CNTNAP2: variants seen among roughly 807,000 people sequenced by gnomAD.
CNTNAP2 encodes contactin associated protein 2.
In CNTNAP2, 98 loss-of-function variants were observed where a neutral mutation model predicts 155.2. The observed-to-expected ratio is 0.63, with a 90% CI of 0.54 to 0.75. The LOEUF is 0.75. Among genes scored for constraint, CNTNAP2 ranks in the 30% least tolerant of loss-of-function variants. The pLI is 0.00. For missense variants in CNTNAP2, 1,727 were observed against 1,688.1 expected, an observed-to-expected ratio of 1.02 and a Z score of -0.40; for synonymous variants, 651 against 631.2, an observed-to-expected ratio of 1.03 and a Z score of -0.47.
At chr7:148,356,169 AC>A (rs1186893228) in intron 21 of CNTNAP2, among the ~76,000 whole-genome samples, 1 of 151,838 alleles carries the variant, frequency 6.6e-6, no homozygotes, top group African/African-American at 2.4e-5. Context: ...AGAAATCATC[AC>A]ATAGTTATTA....
intron 20 of CNTNAP2, among the ~76,000 whole-genome samples, chr7:148,235,652 G>A (rs899098779): frequency 9.9e-5 from 15 of 151,230 alleles, no homozygotes; most frequent in South Asian, 4.2e-4. Flanking sequence ...ATTATGTGCC[G>A]GATAATGTGC....
At position 148,419,211 on chromosome 7, in the gene CNTNAP2, C is replaced by G. The variant is rs915870040; in HGVS notation, c.*3595C>G. 1 of 152,110 alleles carries G rather than the reference C, an allele frequency of 6.6e-6. No individual in the cohort carries two copies. The highest frequency in any genetic ancestry group is 2.4e-5 in the African/African-American group (1 of 41,404). 9.4% of individuals were successfully genotyped at this position (152,110 alleles called of 1,614,324 possible). On this transcript the variant is annotated 3_prime_UTR_variant, in exon 24 of 24. Coordinates refer to ENST00000361727, the MANE Select transcript of CNTNAP2 (RefSeq NM_014141.6). ...CCAAACAACACTGAATTTGAAACCCCCCATTTTTTCTTTTCACCACCCTGT... is the reference window on the plus strand; with the variant it reads ...CCAAACAACACTGAATTTGAAACCCGCCATTTTTTCTTTTCACCACCCTGT...
chr7:146,504,293 G>T (rs1197136874), intron 1 of CNTNAP2, among the ~76,000 whole-genome samples: 1 of 152,156 alleles, frequency 6.6e-6, no homozygotes, highest in Non-Finnish European at 1.5e-5. Context: ...TGATTATTAG[G>T]GTCCAGCATA....
chr7:148,181,368 G>A (rs1464278595), intron 18 of CNTNAP2, among the ~76,000 whole-genome samples: 1 of 151,982 alleles, frequency 6.6e-6, no homozygotes, highest in East Asian at 1.9e-4. Flanking sequence ...AGAGAAGGAA[G>A]AGCCAAAAAG....
At chr7:146,885,671 G>A (rs1289235058) in intron 3 of CNTNAP2, among the ~76,000 whole-genome samples, 1 of 151,940 alleles carries the variant, frequency 6.6e-6, no homozygotes, top group African/African-American at 2.4e-5. Context: ...TTTTTGCAAG[G>A]AAAGCAATTA....
chr7:146,383,538 A>G (rs774132410), intron 1 of CNTNAP2, among the ~76,000 whole-genome samples: 4 of 152,142 alleles, frequency 2.6e-5, no homozygotes, highest in Non-Finnish European at 4.4e-5. Context: ...CATACATTCT[A>G]AATTGTAGGA....
chr7:147,344,921 T>C (rs1259910555), intron 9 of CNTNAP2, among the ~76,000 whole-genome samples: 1 of 152,184 alleles, frequency 6.6e-6, no homozygotes, highest in East Asian at 1.9e-4. Context: ...CTTTGTTTTG[T>C]ATGTGTCATG....
intron 15 of CNTNAP2, among the ~76,000 whole-genome samples, chr7:148,051,230 TG>T (rs1326044360): frequency 6.6e-6 from 1 of 152,204 alleles, no homozygotes; most frequent in African/African-American, 2.4e-5. Context: ...TGCTTTCACT[TG>T]GGCCAAATAT....
intron 1 of CNTNAP2, among the ~76,000 whole-genome samples, chr7:146,481,035 C>G (rs574955124): frequency 9.9e-5 from 15 of 151,846 alleles, no homozygotes; most frequent in African/African-American, 3.6e-4. Flanking sequence ...GAGGTAAAGA[C>G]TAGATAAGAA....
In CNTNAP2 at chr7:146,314,013, G is replaced by GTATA. The variant is rs111389261; in HGVS notation, c.97+197049_97+197052dup. Among the ~76,000 whole-genome samples the GTATA allele has an allele frequency of 5.9e-5, 9 of 151,672 alleles. No homozygotes were observed. In the South Asian group the frequency reaches 6.2e-4, roughly 11 times the overall value. On this transcript the variant is annotated intron_variant, in intron 1 of 23. Coordinates refer to ENST00000361727, the MANE Select transcript of CNTNAP2 (RefSeq NM_014141.6). The stretch of plus-strand genomic sequence containing the variant: ...GACTCCATCTCAAAAAATTATATAT[G>GTATA]TATATATATATAAATTGATATTTGT...
intron 9 of CNTNAP2, among the ~76,000 whole-genome samples, chr7:147,367,994 CTCTCTCTG>C (rs1162903092): frequency 1.4e-5 from 2 of 138,510 alleles, no homozygotes; most frequent in Non-Finnish European, 1.5e-5. Flanking sequence ...CTTTCTCTCT[CTCTCTCTG>C]TCTCTCTCTC....
chr7:146,392,717 C>A (rs756705802), intron 1 of CNTNAP2, among the ~76,000 whole-genome samples: 4 of 152,228 alleles, frequency 2.6e-5, no homozygotes, highest in Admixed American at 1.3e-4. Flanking sequence ...AGTTTCTTAA[C>A]ATTCCCACAA....
intron 3 of CNTNAP2, among the ~76,000 whole-genome samples, chr7:146,930,636 C>T (rs1165507426): frequency 1.3e-5 from 2 of 152,148 alleles, no homozygotes; most frequent in Non-Finnish European, 2.9e-5. Flanking sequence ...AAGACACAGA[C>T]TGGCAAATTG....
chr7:146,841,413 C>T (rs761277187), intron 3 of CNTNAP2, among the ~76,000 whole-genome samples: 3 of 151,970 alleles, frequency 2.0e-5, no homozygotes, highest in Non-Finnish European at 4.4e-5. Context: ...GGCCAACCAA[C>T]CAAACAGCAG....
At chr7:147,067,724 G>C (rs183243043) in intron 4 of CNTNAP2, among the ~76,000 whole-genome samples, 1 of 152,062 alleles carries the variant, frequency 6.6e-6, no homozygotes, top group Non-Finnish European at 1.5e-5. Context: ...ATGAAACAAA[G>C]AAATTCTTCA....
intron 1 of CNTNAP2, among the ~76,000 whole-genome samples, chr7:146,750,541 A>G (rs1801885524): frequency 6.6e-6 from 1 of 152,142 alleles, no homozygotes; most frequent in Non-Finnish European, 1.5e-5. Flanking sequence ...TAAAGATCAG[A>G]TGCTGTGTGG....
At chr7:146,435,185 C>A (rs1055491097) in intron 1 of CNTNAP2, among the ~76,000 whole-genome samples, 1 of 152,118 alleles carries the variant, frequency 6.6e-6, no homozygotes, top group African/African-American at 2.4e-5. Context: ...TATATAAAAT[C>A]TGAAATTCAG....
intron 1 of CNTNAP2, among the ~76,000 whole-genome samples, chr7:146,701,647 T>G (rs995373835): frequency 6.6e-6 from 1 of 151,388 alleles, no homozygotes; most frequent in Non-Finnish European, 1.5e-5. Context: ...TCAATGTGAT[T>G]GTTAAATTTT....
chr7:146,539,450 T>G (rs2129140786), intron 1 of CNTNAP2, among the ~76,000 whole-genome samples: 1 of 152,136 alleles, frequency 6.6e-6, no homozygotes, highest in South Asian at 2.1e-4. Context: ...TCAATGGAAT[T>G]CAACCTTTGC....
Sources: allele counts gnomAD v4.1 joint callset (sites outside exome capture counted in the v4.1 genomes callset), GRCh38; gene constraint gnomAD v4.1.1; transcripts MANE v1.5; gene names NCBI Gene and HGNC (gene_info 2026-07-23, HGNC 2026-07-21).